The following KCNH2 variants were observed in gnomAD, a reference collection of about 807,000 sequenced individuals.
KCNH2 encodes potassium voltage-gated channel subfamily H member 2.
Under a neutral mutation model 95.9 loss-of-function variants are expected in KCNH2, and 35 were observed. The observed-to-expected ratio is 0.37, with a 90% CI of 0.28 to 0.48. The LOEUF (loss-of-function observed/expected upper bound fraction) is 0.48, where lower values mean the gene tolerates loss of function less well. KCNH2 is among the 20% of genes least tolerant of loss of function. KCNH2 has a pLI of 0.99. For missense variants in KCNH2, 1,274 were observed against 1,702.9 expected, an observed-to-expected ratio of 0.75 and a Z score of 4.43; for synonymous variants, 786 against 754.7, an observed-to-expected ratio of 1.04 and a Z score of -0.68.
chr7:150,952,419 C>T lies in KCNH2; in HGVS notation c.1557+6G>A, dbSNP rs746174154. On this transcript the variant is annotated splice_donor_region_variant and intron_variant, in intron 6 of 14. Coordinates refer to ENST00000262186, the MANE Select transcript of KCNH2 (RefSeq NM_000238.4). This position sits in a 1 kb window ranked among gnomAD's most constrained non-coding sequence, Gnocchi z 7.3. The stretch of plus-strand genomic sequence containing the variant: ...CCTACACCACCTGCCTCCTTGCTGA[C>T]CCCACCTCCTCAGAGCCAGAGCCGA... 5.0e-6 allele frequency: 8 copies of T among 1,613,874 alleles called. No homozygotes were observed. Among genetic ancestry groups the T allele is most frequent in the East Asian group, 4.5e-5 (2 of 44,880 alleles).
chr7:150,972,773 G>T (rs1391519165), intron 2 of KCNH2, among the ~76,000 whole-genome samples: 1 of 152,194 alleles, frequency 6.6e-6, no homozygotes, highest in African/African-American at 2.4e-5. Context: ...CCTTCCACCT[G>T]CAAGTCGAAT....
At position 150,962,627 on chromosome 7, in the gene KCNH2, C is replaced by CAGAGAGAGAGAG. The variant is rs41307331; in HGVS notation, c.308-2903_308-2892dup. On this transcript the variant is annotated intron_variant, in intron 2 of 14. Transcript: ENST00000262186. The surrounding 1 kb of genome is among the most constrained non-coding windows in gnomAD (Gnocchi z 5.7). ...CACACTTACACACACACACGAGAGA[C>CAGAGAGAGAGAG]AGAGAGAGAGAGAGAGAGAGAGAGA... Among the ~76,000 whole-genome samples, 6,826 of 146,252 alleles carry CAGAGAGAGAGAG rather than the reference C, an allele frequency of 0.047. 162 individuals carry two copies. The highest frequency in any genetic ancestry group is 0.083 in the Middle Eastern group (24 of 290).
chr7:150,975,022 C>A, intron 1 of KCNH2, 81 bp from the exon 2 acceptor site: 1 of 1,262,212 alleles, frequency 7.9e-7, no homozygotes, highest in Admixed American at 2.1e-5. Context: ...ATTCTCCACT[C>A]ACACAGCCGC....
rs538938319 is a variant in KCNH2, at chr7:150,968,935, G to A, written c.307+5776C>T. On this transcript the variant is annotated intron_variant, in intron 2 of 14. Transcript: ENST00000262186. The stretch of plus-strand genomic sequence containing the variant: ...AGGAGAATGAGCTCTGGCACCGCAC[G>A]CTGCTTTGTGGGTGTCTGTCATCTC... Among the ~76,000 whole-genome samples, 6 of 152,296 alleles carry A rather than the reference G, an allele frequency of 3.9e-5. No individual in the cohort carries two copies. In the East Asian group the frequency reaches 9.6e-4, roughly 24 times the overall value.
At position 150,958,381 on chromosome 7, in the gene KCNH2, C is replaced by T; in HGVS notation, c.594G>A (p.Val198=). ...TGCTGGGTGCCGCGGGCGTCAGGTCCACGTCCACCACCACGGCCCCCGGGG... is the reference window on the plus strand; with the variant it reads ...TGCTGGGTGCCGCGGGCGTCAGGTCTACGTCCACCACCACGGCCCCCGGGG... ...AGAPGAVVVD[V]DLTPAAPSSE... is the part of the protein sequence containing the mutation. The change falls in exon 4 of 15, where the codon GTG becomes GTA. Residue 198 remains valine, a synonymous_variant. Transcript: ENST00000262186. 3 of 1,471,922 alleles carry T rather than the reference C, an allele frequency of 2.0e-6. No individual in the cohort carries two copies. Among genetic ancestry groups the T allele is most frequent in the South Asian group, 2.6e-5 (2 of 77,716 alleles). 91.2% of individuals were successfully genotyped at this position (1,471,922 alleles called of 1,614,324 possible).
rs754565340 is a variant in KCNH2 at position 150,948,918 on chromosome 7, T to C, written c.2530A>G (p.Met844Val). ...AAGTGGTCGGAGAACTCAGGGTACA[T>C]GTCCAGCACCTCCAGCAGGTCGTCC... ...HRDDLLEVLDMYPEFSDHFWS... is the reference protein window; with the variant it reads ...HRDDLLEVLDVYPEFSDHFWS... The change falls in exon 10 of 15, where the codon ATG becomes GTG. Residue 844 changes from methionine to valine, a missense_variant. By Grantham distance (21) the Met-to-Val change is conservative. Coordinates refer to ENST00000262186, the MANE Select transcript of KCNH2 (RefSeq NM_000238.4). 5.0e-6 allele frequency: 8 copies of C among 1,614,090 alleles called. No individual in the cohort carries two copies. The highest frequency in any genetic ancestry group is 1.3e-5 in the African/African-American group (1 of 74,938).
intron 2 of KCNH2, among the ~76,000 whole-genome samples, chr7:150,966,243 T>C (rs1286119554): frequency 6.6e-6 from 1 of 152,164 alleles, no homozygotes; most frequent in Non-Finnish European, 1.5e-5. Flanking sequence ...CCTGTAGGCT[T>C]CTAGGTCTGT....
rs1282510503 is a variant in KCNH2 at position 150,946,043 on chromosome 7, C to CGAAGGGAGACTGG, written c.3331-542_3331-530dup. On this transcript the variant is annotated intron_variant, in intron 14 of 14. Coordinates refer to ENST00000262186, the MANE Select transcript of KCNH2 (RefSeq NM_000238.4). The surrounding 1 kb of genome is among the most constrained non-coding windows in gnomAD (Gnocchi z 6.5). ...GGTGAGAGCTCTGCGGGGGCGGCTG[C>CGAAGGGAGACTGG]GAAGGGAGACTGGCACATTTGCTGA... 6.6e-6 allele frequency among the ~76,000 whole-genome samples: 1 copy of CGAAGGGAGACTGG among 152,018 alleles called. No individual in the cohort carries two copies. The highest frequency in any genetic ancestry group is 2.4e-5 in the African/African-American group (1 of 41,392).
chr7:150,958,211 C>T lies in KCNH2; in HGVS notation c.764G>A (p.Ser255Asn). Residue 255 changes from serine (S) to asparagine (N), a missense_variant, in exon 4 of 15, where the codon AGC becomes AAC. Ser to Asn is a conservative substitution (Grantham distance 46). Around this residue, in one of 7 missense-constraint regions of KCNH2, gnomAD observed 392 missense variants for 429.9 expected, o/e 0.91. Coordinates refer to ENST00000262186, the MANE Select transcript of KCNH2 (RefSeq NM_000238.4). ...PGQLPSPRAH[S>N]LNPDASGSSC... ...GGAGCCCGAGGCGTCGGGGTTGAGG[C>T]TGTGCGCCCGGGGCGATGGGAGCTG... 1 of 1,371,818 alleles carries T rather than the reference C, an allele frequency of 7.3e-7. No individual in the cohort carries two copies. The highest frequency in any genetic ancestry group is 1.7e-5 in the South Asian group (1 of 57,802). The allele number at this position is 1,371,818 out of a possible 1,614,324, so 85.0% of individuals were successfully genotyped here. A position where few individuals can be genotyped will look rare whatever the true frequency, so the allele number is the denominator to read the frequency against.
rs41307331 is a variant in KCNH2 at position 150,962,627 on chromosome 7, C to CAGAGAGAGAGAGAGAGAGAGAG, written c.308-2913_308-2892dup. 8.4e-3 allele frequency among the ~76,000 whole-genome samples: 1,224 copies of CAGAGAGAGAGAGAGAGAGAGAG among 146,248 alleles called. 9 individuals carry two copies. Among genetic ancestry groups the CAGAGAGAGAGAGAGAGAGAGAG allele is most frequent in the Non-Finnish European group, 0.011 (745 of 66,694 alleles). ...CACACTTACACACACACACGAGAGA[C>CAGAGAGAGAGAGAGAGAGAGAG]AGAGAGAGAGAGAGAGAGAGAGAGA... On this transcript the variant is annotated intron_variant, in intron 2 of 14. Coordinates refer to ENST00000262186, the MANE Select transcript of KCNH2 (RefSeq NM_000238.4). The surrounding 1 kb of genome is among the most constrained non-coding windows in gnomAD (Gnocchi z 5.7).
intron 2 of KCNH2, among the ~76,000 whole-genome samples, chr7:150,965,872 C>G (rs1389214940): frequency 1.3e-5 from 2 of 152,194 alleles, no homozygotes; most frequent in African/African-American, 4.8e-5. Context: ...CTCTCAGCTC[C>G]CTTCCAGATC....
rs1801359783 is a variant in KCNH2 at position 150,955,886 on chromosome 7, C to CAG, written c.1128+1404_1128+1405insCT. On this transcript the variant is annotated intron_variant, in intron 5 of 14. Transcript: ENST00000262186. ...GCCACACTAGGCTCCCCCGCCCCGC[C>CAG]GGTGCCCAGCCAGCGGCCCCCTCCC... is the stretch of plus-strand genomic sequence containing the variant. 3.0e-6 allele frequency: 3 copies of CAG among 992,082 alleles called. No homozygotes were observed. The African/African-American group carries it at 5.2e-5, about 17-fold the overall frequency. 61.5% of individuals were successfully genotyped at this position (992,082 alleles called of 1,614,324 possible).
intron 13 of KCNH2, 128 bp from the exon 14 acceptor site, chr7:150,947,182 TGGCAGC>T: frequency 9.1e-7 from 1 of 1,102,466 alleles, no homozygotes; most frequent in Non-Finnish European, 1.3e-6. Context: ...GCTAGAGGTG[TGGCAGC>T]CCCCAGCTGG....
chr7:150,951,948 C>T, intron 6 of KCNH2, 113 bp from the exon 7 acceptor site: 1 of 968,602 alleles, frequency 1.0e-6, no homozygotes, highest in South Asian at 1.7e-5. Flanking sequence ...CAAAGACTTC[C>T]TAGACCCTCC....
At chr7:150,960,811 C>T (rs1459742599) in intron 2 of KCNH2, among the ~76,000 whole-genome samples, 1 of 152,118 alleles carries the variant, frequency 6.6e-6, no homozygotes, top group Non-Finnish European at 1.5e-5. Flanking sequence ...AAGCCAAGCA[C>T]CCCTGGTCTC....
chr7:150,960,410 A>G (rs1468619689), intron 2 of KCNH2, among the ~76,000 whole-genome samples: 2 of 152,244 alleles, frequency 1.3e-5, no homozygotes, highest in Non-Finnish European at 2.9e-5. Flanking sequence ...CCAAGTCAGC[A>G]CATGCTGAGC....
chr7:150,950,130 G>C (rs905588910), intron 9 of KCNH2, 38 bp downstream of exon 9: 1 of 1,608,496 alleles, frequency 6.2e-7, no homozygotes, highest in African/African-American at 1.3e-5. Context: ...AGGCTGCAGA[G>C]GGCATTTCCA....
At chr7:150,976,259 C>T (rs78195357) in intron 1 of KCNH2, among the ~76,000 whole-genome samples, 1 of 152,184 alleles carries the variant, frequency 6.6e-6, no homozygotes, top group African/African-American at 2.4e-5. Context: ...TGAGATAGGC[C>T]CAGGCCATCA....
Position 150,948,559 on chromosome 7 carries a change from G to C in KCNH2, c.2593-16C>G. The C allele has an allele frequency of 6.2e-7, 1 of 1,605,990 alleles. No homozygotes were observed. On this transcript the variant is annotated splice_polypyrimidine_tract_variant and intron_variant, in intron 10 of 14. Transcript: ENST00000262186. ...TCATGTTGGTCTGGAACCAAAATCAGTATCAGGGCCCTTTCAGTGCTCTCC... is the reference window on the plus strand; with the variant it reads ...TCATGTTGGTCTGGAACCAAAATCACTATCAGGGCCCTTTCAGTGCTCTCC...
Sources: allele counts gnomAD v4.1 joint callset (sites outside exome capture counted in the v4.1 genomes callset), GRCh38; gene constraint gnomAD v4.1.1; regional missense constraint gnomAD v4.1.1; non-coding constraint Gnocchi (gnomAD v3.1); transcripts MANE v1.5; gene names NCBI Gene and HGNC (gene_info 2026-07-23, HGNC 2026-07-21).